The following TAF3 variants were observed in gnomAD, a reference collection of about 807,000 sequenced individuals.
TAF3 encodes TATA-box binding protein associated factor 3, also known as transcription initiation factor TFIID subunit 3.
A neutral mutation model predicts 80.6 loss-of-function variants in TAF3; 7 were observed. The observed-to-expected ratio is 0.09, with a 90% CI of 0.05 to 0.16. The LOEUF (loss-of-function observed/expected upper bound fraction) is 0.16. TAF3 is among the 10% of genes least tolerant of loss of function. TAF3 has a pLI of 1.00. For synonymous variants in TAF3, 444 were observed against 446.1 expected, an observed-to-expected ratio of 1.00 and a Z score of 0.06; for missense variants, 921 against 1,140.2, an observed-to-expected ratio of 0.81 and a Z score of 2.77.
At chr10:7,851,012 T>C (rs1025223737) in intron 2 of TAF3, among the ~76,000 whole-genome samples, 9 of 152,210 alleles carry the variant, frequency 5.9e-5, no homozygotes, top group African/African-American at 2.2e-4. Flanking sequence ...AAACAGTCTC[T>C]GCTTTTGTGG....
At chr10:7,820,750 AT>A (rs1836682690) in intron 1 of TAF3, among the ~76,000 whole-genome samples, 1 of 152,176 alleles carries the variant, frequency 6.6e-6, no homozygotes, top group Non-Finnish European at 1.5e-5. Flanking sequence ...CTGCCTCAGC[AT>A]TTCAAAGTGC....
At chr10:7,959,008 C>T (rs780095201) in intron 2 of TAF3, among the ~76,000 whole-genome samples, 71 of 151,996 alleles carry the variant, frequency 4.7e-4, no homozygotes, top group Non-Finnish European at 9.1e-4. Context: ...GGCGTGGTGA[C>T]GGGCGCCTGT....
intron 4 of TAF3, among the ~76,000 whole-genome samples, chr10:7,999,128 A>G (rs1831918574): frequency 6.6e-6 from 1 of 152,162 alleles, no homozygotes; most frequent in Non-Finnish European, 1.5e-5. Flanking sequence ...AACAGAGGAA[A>G]TGGTCTTGTA....
At chr10:7,819,843 GAC>G (rs1280516056) in intron 1 of TAF3, among the ~76,000 whole-genome samples, 88 of 152,316 alleles carry the variant, frequency 5.8e-4, no homozygotes, top group African/African-American at 2.0e-3. Flanking sequence ...GAGACTCACA[GAC>G]ACACGCTGTA....
chr10:7,832,543 C>CTTAT (rs200607141), intron 2 of TAF3, among the ~76,000 whole-genome samples: 4,407 of 151,976 alleles, frequency 0.029, 88 homozygotes, highest in South Asian at 0.087. Flanking sequence ...TCATTTCTTT[C>CTTAT]TTATTTATTT....
intron 2 of TAF3, among the ~76,000 whole-genome samples, chr10:7,899,431 A>G (rs1235812038): frequency 1.3e-5 from 2 of 152,180 alleles, no homozygotes; most frequent in Non-Finnish European, 2.9e-5. Flanking sequence ...AGACTCCTCC[A>G]TGATTCTGTC....
chr10:7,956,521 T>C (rs1419199278), intron 2 of TAF3, among the ~76,000 whole-genome samples: 6 of 152,088 alleles, frequency 3.9e-5, no homozygotes, highest in Non-Finnish European at 2.9e-5. Flanking sequence ...AATTTTACAG[T>C]CAAATGTTGA....
intron 2 of TAF3, among the ~76,000 whole-genome samples, chr10:7,832,278 G>C (rs1477485314): frequency 1.3e-5 from 2 of 152,152 alleles, no homozygotes; most frequent in Admixed American, 1.3e-4. Flanking sequence ...CCACATATAA[G>C]TGAGAACATG....
intron 2 of TAF3, among the ~76,000 whole-genome samples, chr10:7,844,401 G>A (rs1204820528): frequency 4.4e-5 from 6 of 135,128 alleles, no homozygotes; most frequent in Non-Finnish European, 9.3e-5. Flanking sequence ...TTTTTGAGAC[G>A]GAGTCTTGCT....
chr10:7,936,851 G>A (rs1294762037), intron 2 of TAF3, among the ~76,000 whole-genome samples: 1 of 151,372 alleles, frequency 6.6e-6, no homozygotes, highest in Non-Finnish European at 1.5e-5. Context: ...CTCCCTCCCT[G>A]TACCCGCTGG....
At chr10:7,920,334 G>GTA (rs1375283050) in intron 2 of TAF3, among the ~76,000 whole-genome samples, 5 of 123,366 alleles carry the variant, frequency 4.1e-5, no homozygotes, top group Non-Finnish European at 6.9e-5. Flanking sequence ...GTGTGTGTAT[G>GTA]TGTGTGTGTG....
chr10:7,975,756 G>T (rs985316774), intron 3 of TAF3, among the ~76,000 whole-genome samples: 4 of 152,060 alleles, frequency 2.6e-5, no homozygotes, highest in Non-Finnish European at 4.4e-5. Context: ...GAAAATAATA[G>T]ATTTGATCTA....
chr10:7,874,233 G>A (rs2131148496), intron 2 of TAF3, among the ~76,000 whole-genome samples: 1 of 152,276 alleles, frequency 6.6e-6, no homozygotes, highest in South Asian at 2.1e-4. Context: ...TTAAAGCAAT[G>A]TTTTTGGAAA....
intron 2 of TAF3, among the ~76,000 whole-genome samples, chr10:7,954,729 G>A (rs1265557610): frequency 1.4e-5 from 2 of 139,492 alleles, no homozygotes; most frequent in African/African-American, 2.6e-5. Flanking sequence ...CACTCCATAG[G>A]TGAATGAGTG....
intron 2 of TAF3, among the ~76,000 whole-genome samples, chr10:7,957,268 C>T (rs966057035): frequency 2.0e-5 from 3 of 151,688 alleles, no homozygotes; most frequent in African/African-American, 4.9e-5. Flanking sequence ...TTTCATGGAG[C>T]GATGGGGAGA....
chr10:7,842,151 G>GTTTTTTTTTTTTTTTTTTTTTTT (rs71505465), intron 2 of TAF3, among the ~76,000 whole-genome samples: 3 of 98,748 alleles, frequency 3.0e-5, no homozygotes, highest in Admixed American at 1.1e-4. Flanking sequence ...AATTAATATT[G>GTTTTTTTTTTTTTTTTTTTTTTT]TTTTTTTTTT....
At chr10:7,950,349 G>GA (rs1217951166) in intron 2 of TAF3, among the ~76,000 whole-genome samples, 1 of 152,180 alleles carries the variant, frequency 6.6e-6, no homozygotes, top group Non-Finnish European at 1.5e-5. Context: ...CCTGTGGAGG[G>GA]AAAGACCTTG....
At chr10:7,903,841 CT>C (rs1299343851) in intron 2 of TAF3, among the ~76,000 whole-genome samples, 1 of 151,734 alleles carries the variant, frequency 6.6e-6, no homozygotes, top group Non-Finnish European at 1.5e-5. Flanking sequence ...GATATAGATC[CT>C]CCCCTTCAGG....
At chr10:7,999,454 A>G (rs1166942139) in intron 4 of TAF3, among the ~76,000 whole-genome samples, 1 of 148,742 alleles carries the variant, frequency 6.7e-6, no homozygotes, top group Non-Finnish European at 1.5e-5. Context: ...AAAGAAAGAA[A>G]GAAGTTTTTT....
Sources: gnomAD v4.1 joint callset for allele counts (sites outside exome capture counted in the v4.1 genomes callset) on GRCh38, gnomAD v4.1.1 for gene constraint, MANE v1.5 for transcripts, NCBI Gene and HGNC (gene_info 2026-07-23, HGNC 2026-07-21) for gene names.